PELI3: variants seen among roughly 807,000 people sequenced by gnomAD.
The protein encoded by PELI3 is E3 ubiquitin-protein ligase pellino homolog 3.
PELI3 carries 19 observed loss-of-function variants against 35.5 expected under a neutral mutation model. That is an observed-to-expected ratio of 0.54 (90% CI 0.37 to 0.79). The LOEUF (loss-of-function observed/expected upper bound fraction) is 0.79. PELI3 is among the 30% of genes least tolerant of loss of function. The pLI, the probability that PELI3 is intolerant of heterozygous loss-of-function variation, is 0.00. For missense variants in PELI3, 490 were observed against 661.2 expected, an observed-to-expected ratio of 0.74 and a Z score of 2.84; for synonymous variants, 262 against 279.2, an observed-to-expected ratio of 0.94 and a Z score of 0.62.
intron 2 of PELI3, 77 bp from the exon 3 acceptor site, chr11:66,468,756 C>T: frequency 4.0e-6 from 3 of 748,186 alleles, no homozygotes; most frequent in Non-Finnish European, 7.5e-6. Context: ...CAGCGCCTAG[C>T]ACATATCGAG....
At chr11:66,471,110 T>C in intron 3 of PELI3, 132 bp from the exon 4 acceptor site, 1 of 1,236,568 alleles carries the variant, frequency 8.1e-7, no homozygotes, top group Non-Finnish European at 1.1e-6. Context: ...TTCAGGTGCT[T>C]GTAGAGCTTG....
upstream of PELI3, chr11:66,466,817 T>C (rs1442923959): frequency 1.4e-5 from 2 of 141,420 alleles, no homozygotes; most frequent in Non-Finnish European, 3.1e-5. Context: ...GGCGGAGCTC[T>C]CCTAGGGGCG....
chr11:66,475,770 C>T lies in PELI3; in HGVS notation c.1013C>T (p.Thr338Ile), dbSNP rs1443842537. Reference sequence around the variant, plus strand: ...CCCCAGTGCCCCGTGGGCCTCAGCACTCTGGCCTTCCCCAGCCCAGCCCGT... The same window carrying T: ...CCCCAGTGCCCCGTGGGCCTCAGCATTCTGGCCTTCCCCAGCCCAGCCCGT... Reference protein sequence around the residue: ...ARPQCPVGLSTLAFPSPARGR... With the variant: ...ARPQCPVGLSILAFPSPARGR... The change falls in exon 8 of 8, where the codon ACT becomes ATT. Residue 338 changes from threonine (T) to isoleucine (I), a missense_variant. Thr to Ile is a moderately conservative substitution (Grantham distance 89). Around this residue, in one of 3 missense-constraint regions of PELI3, gnomAD observed 349 missense variants for 484.8 expected, o/e 0.72. Transcript: ENST00000320740. 1 of 1,610,348 alleles carries T rather than the reference C, an allele frequency of 6.2e-7. No individual in the cohort carries two copies.
chr11:66,474,884 C>G (rs935859657), intron 7 of PELI3: 1 of 152,170 alleles, frequency 6.6e-6, no homozygotes, highest in African/African-American at 2.4e-5. Flanking sequence ...CATGAGCCAC[C>G]ACACCTGGCT....
In PELI3 at chr11:66,476,007, C is replaced by T. The variant is rs1461350735; in HGVS notation, c.1250C>T (p.Pro417Leu). 6.2e-7 allele frequency: 1 copy of T among 1,612,302 alleles called. No individual in the cohort carries two copies. Among genetic ancestry groups the T allele is most frequent in the Non-Finnish European group, 8.5e-7 (1 of 1,179,916 alleles). ...GGGCCGCCTAGCCATGCCTTTGCAC[C>T]TTGCGGCCACGTCTGCTCTGAGAAG... ...DPGPPSHAFA[P>L]CGHVCSEKTA... Residue 417 changes from proline to leucine, a missense_variant, in exon 8 of 8, where the codon CCT becomes CTT. Physicochemically the swap from Pro to Leu is moderately conservative, Grantham distance 98 (BLOSUM62 -3). Coordinates refer to ENST00000320740, the MANE Select transcript of PELI3 (RefSeq NM_145065.3).
chr11:66,468,014 C>T (rs988992778), intron 1 of PELI3, 114 bp from the exon 2 acceptor site: 53 of 1,295,356 alleles, frequency 4.1e-5, no homozygotes, highest in Non-Finnish European at 5.2e-5. Flanking sequence ...GCAGTAGAGG[C>T]GGTGAAAGGT....
chr11:66,474,060 C>A, intron 7 of PELI3, 135 bp downstream of exon 7: 1 of 1,159,294 alleles, frequency 8.6e-7, no homozygotes, highest in Non-Finnish European at 1.2e-6. Flanking sequence ...ATCAGGGAAT[C>A]CCAGGCCCAG....
intron 2 of PELI3, 109 bp from the exon 3 acceptor site, chr11:66,468,724 G>C: frequency 1.7e-6 from 1 of 573,216 alleles, no homozygotes; most frequent in East Asian, 3.0e-5. Flanking sequence ...TGAATGAGGT[G>C]ATTTCTGTAA....
At chr11:66,474,491 G>A (rs61733826) in intron 7 of PELI3, 256 of 203,404 alleles carry the variant, frequency 1.3e-3, no homozygotes, top group Non-Finnish European at 1.9e-3. Context: ...TCACATGGCC[G>A]TGCTCCTCAA....
rs1202547027 is a variant in PELI3 at position 66,467,763 on chromosome 11, A to C, written c.-1-365A>C. ...GGCTAAATCAGAGGTCCAGAGGCTAAGAGCTATAAGCAGGAACTGAGTCTG... is the reference window on the plus strand; with the variant it reads ...GGCTAAATCAGAGGTCCAGAGGCTACGAGCTATAAGCAGGAACTGAGTCTG... On this transcript the variant is annotated intron_variant, in intron 1 of 7. Coordinates refer to ENST00000320740, the MANE Select transcript of PELI3 (RefSeq NM_145065.3). The surrounding 1 kb of genome is among the most constrained non-coding windows in gnomAD (Gnocchi z 4.2). Among the ~76,000 whole-genome samples the C allele has an allele frequency of 2.6e-5, 4 of 152,236 alleles. No homozygotes were observed. The highest frequency in any genetic ancestry group is 9.6e-5 in the African/African-American group (4 of 41,458).
intron 4 of PELI3, 105 bp downstream of exon 4, chr11:66,471,476 G>A (rs1854714493): frequency 7.0e-7 from 1 of 1,429,012 alleles, no homozygotes; most frequent in Admixed American, 2.3e-5. Context: ...CCTTAACAGG[G>A]GAGCCCACTT....
chr11:66,475,441 T>C, intron 7 of PELI3, 157 bp from the exon 8 acceptor site: 1 of 661,474 alleles, frequency 1.5e-6, no homozygotes, highest in East Asian at 2.9e-5. Context: ...GTGCCTGGGA[T>C]GCACCTGCCT....
In PELI3 at chr11:66,472,456, A is replaced by G; in HGVS notation, c.442A>G (p.Thr148Ala). Reference sequence around the variant, plus strand: ...AGTGGAGTATACACATGATAGCGACACAGACATGTTCCAGGTATGCTCAGG... The same window carrying G: ...AGTGGAGTATACACATGATAGCGACGCAGACATGTTCCAGGTATGCTCAGG... ...VIVEYTHDSD[T>A]DMFQIGRSTE... Residue 148 changes from threonine (T) to alanine (A), a missense_variant, in exon 5 of 8, where the codon ACA (threonine) becomes GCA (alanine). By Grantham distance (58) the Thr-to-Ala change is moderately conservative. Coordinates refer to ENST00000320740, the MANE Select transcript of PELI3 (RefSeq NM_145065.3). 1 of 1,613,974 alleles carries G rather than the reference A, an allele frequency of 6.2e-7. No individual in the cohort carries two copies. Among genetic ancestry groups the G allele is most frequent in the Non-Finnish European group, 8.5e-7 (1 of 1,179,834 alleles).
intron 5 of PELI3, 86 bp downstream of exon 5, chr11:66,472,556 C>A: frequency 8.6e-7 from 1 of 1,166,284 alleles, no homozygotes; most frequent in Non-Finnish European, 1.3e-6. Flanking sequence ...GGTTGGGAGG[C>A]CATGGGAAAG....
rs1004943441 is a variant in PELI3, at chr11:66,467,489, G to A, written c.-2+462G>A. Reference sequence around the variant, plus strand: ...AGACAGACACCTGAGGGAGGGAAGAGCGCGCACCCAGGAGGAGTCTATTGG... The same window carrying A: ...AGACAGACACCTGAGGGAGGGAAGAACGCGCACCCAGGAGGAGTCTATTGG... On this transcript the variant is annotated intron_variant, in intron 1 of 7. Transcript: ENST00000320740. The surrounding 1 kb of genome is among the most constrained non-coding windows in gnomAD (Gnocchi z 4.2). 1.3e-5 allele frequency: 2 copies of A among 152,332 alleles called. No individual in the cohort carries two copies. Among genetic ancestry groups the A allele is most frequent in the Non-Finnish European group, 1.5e-5 (1 of 68,106 alleles). The allele number at this position is 152,332 out of a possible 1,614,324, so 9.4% of individuals were successfully genotyped here.
intron 3 of PELI3, among the ~76,000 whole-genome samples, chr11:66,470,569 C>T (rs984685327): frequency 2.6e-5 from 4 of 152,206 alleles, no homozygotes; most frequent in South Asian, 2.1e-4. Flanking sequence ...CCCATGGCAG[C>T]GATGAGAGCT....
rs370081441 is a variant in PELI3, at chr11:66,472,452, C to T, written c.438C>T (p.Ser146=). 4.5e-5 allele frequency: 73 copies of T among 1,613,748 alleles called. No homozygotes were observed. Among genetic ancestry groups the T allele is most frequent in the Middle Eastern group, 1.6e-4 (1 of 6,084 alleles). The change falls in exon 5 of 8, where the codon AGC becomes AGT. Residue 146 remains serine, a synonymous_variant. Coordinates refer to ENST00000320740, the MANE Select transcript of PELI3 (RefSeq NM_145065.3). ...TCATAGTGGAGTATACACATGATAG[C>T]GACACAGACATGTTCCAGGTATGCT... ...HSVIVEYTHD[S]DTDMFQIGRS... is the part of the protein sequence containing the mutation.
rs1274333512 is a variant in PELI3, at chr11:66,468,178, T to C, written c.50T>C (p.Leu17Pro). ...GTGGGGTCCCCCCGAACCTCAGACCTCCAGCACCGGGGGAACAAGGGCTCT... is the reference window on the plus strand; with the variant it reads ...GTGGGGTCCCCCCGAACCTCAGACCCCCAGCACCGGGGGAACAAGGGCTCT... ...PEVGSPRTSDLQHRGNKGSCV... is the reference protein window; with the variant it reads ...PEVGSPRTSDPQHRGNKGSCV... Residue 17 changes from leucine (L) to proline (P), a missense_variant, in exon 2 of 8, where the codon CTC becomes CCC. Transcript: ENST00000320740. The C allele has an allele frequency of 1.1e-5, 17 of 1,608,006 alleles. No individual in the cohort carries two copies. The highest frequency in any genetic ancestry group is 1.4e-5 in the Non-Finnish European group (16 of 1,176,734).
chr11:66,473,100 G>A lies in PELI3; in HGVS notation c.457-141G>A. ...GGAGCCTAGAGGGCCTATGGAGTTG[G>A]TGCTGCCCCTTCTCCAGGGCCTGGC... On this transcript the variant is annotated intron_variant, in intron 5 of 7. Transcript: ENST00000320740. The surrounding 1 kb of genome is among the most constrained non-coding windows in gnomAD (Gnocchi z 5.8). 3.8e-6 allele frequency: 3 copies of A among 793,330 alleles called. No individual in the cohort carries two copies. The highest frequency in any genetic ancestry group is 2.4e-5 in the South Asian group (1 of 41,358). 49.1% of individuals were successfully genotyped at this position (793,330 alleles called of 1,614,324 possible). A position where few individuals can be genotyped will look rare whatever the true frequency, so the allele number is the denominator to read the frequency against.
Sources: allele counts gnomAD v4.1 joint callset (sites outside exome capture counted in the v4.1 genomes callset), GRCh38; gene constraint gnomAD v4.1.1; regional missense constraint gnomAD v4.1.1; non-coding constraint Gnocchi (gnomAD v3.1); transcripts MANE v1.5; gene names NCBI Gene and HGNC (gene_info 2026-07-23, HGNC 2026-07-21).